COL4A2: variants seen among roughly 807,000 people sequenced by gnomAD.
The protein encoded by COL4A2 is collagen type IV alpha 2 chain.
In COL4A2, 99 loss-of-function variants were observed where a neutral mutation model predicts 200.2. The ratio of observed to expected loss-of-function variants is 0.49; its 90% confidence interval spans 0.42 to 0.58. The LOEUF (loss-of-function observed/expected upper bound fraction) is 0.58, where lower values mean the gene tolerates loss of function less well. COL4A2 is among the 20% of genes least tolerant of loss of function. COL4A2 has a pLI of 0.00. For missense variants in COL4A2, 1,950 were observed against 2,314.1 expected (o/e 0.84, Z 3.23); for synonymous variants, 897 against 900.6 (o/e 1.00, Z 0.07).
intron 3 of COL4A2, among the ~76,000 whole-genome samples, chr13:110,310,360 A>G (rs959020472): frequency 5.3e-5 from 8 of 152,202 alleles, no homozygotes; most frequent in Admixed American, 2.0e-4. Context: ...GCCTCCCCAC[A>G]TGATACCAGA....
chr13:110,421,843 G>A (rs996078777), intron 4 of COL4A2, among the ~76,000 whole-genome samples: 3 of 152,258 alleles, frequency 2.0e-5, no homozygotes, highest in African/African-American at 7.2e-5. Context: ...TTTACTGACA[G>A]TGAAAGGAAA....
chr13:110,511,857 G>A (rs1427745409), intron 47 of COL4A2, 77 bp from the exon 48 acceptor site: 10 of 1,604,148 alleles, frequency 6.2e-6, no homozygotes, highest in Non-Finnish European at 8.5e-6. Context: ...CAAATGCACA[G>A]AAGAGGGCTA....
At position 110,365,535 on chromosome 13, in the gene COL4A2, G is replaced by A. The variant is rs1877707524; in HGVS notation, c.180+7983G>A. 2.6e-5 allele frequency among the ~76,000 whole-genome samples: 4 copies of A among 152,316 alleles called. 1 individual carries two copies. Among genetic ancestry groups the A allele is most frequent in the South Asian group, 4.1e-4 (2 of 4,828 alleles). ...GTCACAAAGGGCTCTGTGACCTTGG[G>A]TAGGGCACATGACTTCTTTAAAGGA... On this transcript the variant is annotated intron_variant, in intron 4 of 47. Coordinates refer to ENST00000360467, the MANE Select transcript of COL4A2 (RefSeq NM_001846.4).
chr13:110,501,538 A>T, intron 40 of COL4A2, 130 bp from the exon 41 acceptor site: 5 of 712,422 alleles, frequency 7.0e-6, no homozygotes, highest in Non-Finnish European at 1.2e-5. Context: ...CCTTGGCCTG[A>T]GGGCACCTCC....
At chr13:110,478,304 G>A in intron 30 of COL4A2, 140 bp downstream of exon 30, 1 of 704,590 alleles carries the variant, frequency 1.4e-6, no homozygotes, top group Non-Finnish European at 2.1e-6. Context: ...ACCAGAACAT[G>A]TATTTCACCT....
chr13:110,389,146 A>C (rs1878888129), intron 4 of COL4A2, among the ~76,000 whole-genome samples: 1 of 152,184 alleles, frequency 6.6e-6, no homozygotes, highest in Non-Finnish European at 1.5e-5. Flanking sequence ...AGCTTCTTCA[A>C]GGAGACCTAG....
chr13:110,485,923 A>C, intron 34 of COL4A2, 87 bp downstream of exon 34: 2 of 1,558,956 alleles, frequency 1.3e-6, no homozygotes, highest in Non-Finnish European at 1.7e-6. Context: ...GGAATTTGCT[A>C]GGGTGAGAGT....
chr13:110,347,870 A>T (rs1424136965), intron 3 of COL4A2, among the ~76,000 whole-genome samples: 1 of 152,234 alleles, frequency 6.6e-6, no homozygotes, highest in Non-Finnish European at 1.5e-5. Context: ...CAGATATGAA[A>T]ACACGGGGCT....
chr13:110,426,454 C>G (rs547267990), intron 6 of COL4A2, among the ~76,000 whole-genome samples: 92 of 152,302 alleles, frequency 6.0e-4, no homozygotes, highest in Middle Eastern at 3.4e-3. Context: ...CCGCAGAACT[C>G]TGATACTACA....
chr13:110,453,811 A>C (rs563006156), intron 20 of COL4A2, among the ~76,000 whole-genome samples: 2 of 152,356 alleles, frequency 1.3e-5, no homozygotes, highest in Non-Finnish European at 2.9e-5. Flanking sequence ...TGTGAGACAC[A>C]TGGTTTCCAA....
chr13:110,488,321 G>A (rs537847728), intron 34 of COL4A2, among the ~76,000 whole-genome samples: 3 of 152,266 alleles, frequency 2.0e-5, no homozygotes, highest in East Asian at 3.9e-4. Flanking sequence ...CACCACCCCC[G>A]GCCTAGCTAT....
intron 4 of COL4A2, among the ~76,000 whole-genome samples, chr13:110,424,155 G>A (rs531480386): frequency 4.4e-4 from 67 of 152,116 alleles, no homozygotes; most frequent in Non-Finnish European, 8.2e-4. Context: ...CACCAGCAGC[G>A]CACGGAGATT....
At chr13:110,428,636 C>T in intron 7 of COL4A2, 53 bp downstream of exon 7, 1 of 1,089,832 alleles carries the variant, frequency 9.2e-7, no homozygotes, top group Non-Finnish European at 1.3e-6. Context: ...CCCTGCTAAG[C>T]CCTGCCTTTA....
chr13:110,454,927 C>T lies in COL4A2; in HGVS notation c.1340-2416C>T, dbSNP rs146226953. On this transcript the variant is annotated intron_variant, in intron 20 of 47. Coordinates refer to ENST00000360467, the MANE Select transcript of COL4A2 (RefSeq NM_001846.4). ...CTCCTCCGTCCCCACCCCCTGCCAC[C>T]CCACAGACCTCTCCCTTGGTCCTCA... is the stretch of plus-strand genomic sequence containing the variant. Among the ~76,000 whole-genome samples, 719 of 152,240 alleles carry T rather than the reference C, an allele frequency of 4.7e-3. 13 individuals carry two copies. The highest frequency in any genetic ancestry group is 0.031 in the East Asian group (161 of 5,164).
At chr13:110,487,043 C>G (rs1436124228) in intron 34 of COL4A2, among the ~76,000 whole-genome samples, 1 of 152,234 alleles carries the variant, frequency 6.6e-6, no homozygotes, top group East Asian at 1.9e-4. Context: ...GTGTGTCTGT[C>G]TGGCCCACCT....
At chr13:110,355,184 G>A (rs1004491556) in intron 3 of COL4A2, among the ~76,000 whole-genome samples, 1 of 152,226 alleles carries the variant, frequency 6.6e-6, no homozygotes, top group African/African-American at 2.4e-5. Flanking sequence ...GGGTCCCTTA[G>A]GTGTAACTGT....
At chr13:110,371,674 CCAT>C (rs2139402134) in intron 4 of COL4A2, among the ~76,000 whole-genome samples, 1 of 152,292 alleles carries the variant, frequency 6.6e-6, no homozygotes, top group South Asian at 2.1e-4. Context: ...GGTTTTGAAA[CCAT>C]CAGGCGCTCT....
At chr13:110,483,452 A>G (rs1375496430) in intron 32 of COL4A2, among the ~76,000 whole-genome samples, 1 of 152,236 alleles carries the variant, frequency 6.6e-6, no homozygotes, top group Non-Finnish European at 1.5e-5. Context: ...CACAAATCTC[A>G]TGGCAGCATC....
chr13:110,403,615 C>T (rs1453840830), intron 4 of COL4A2, among the ~76,000 whole-genome samples: 1 of 152,176 alleles, frequency 6.6e-6, no homozygotes, highest in Non-Finnish European at 1.5e-5. Flanking sequence ...TCTACAGCCC[C>T]CCTCTTCTTA....
Sources: allele counts gnomAD v4.1 joint callset (sites outside exome capture counted in the v4.1 genomes callset), GRCh38; gene constraint gnomAD v4.1.1; transcripts MANE v1.5; gene names NCBI Gene and HGNC (gene_info 2026-07-23, HGNC 2026-07-21).